Variants in PCDH9 observed in about 807,000 individuals in gnomAD.
PCDH9 encodes protocadherin 9.
In PCDH9, 24 loss-of-function variants were observed where a neutral mutation model predicts 70.6. That is an observed-to-expected ratio of 0.34 (90% CI 0.25 to 0.48). The LOEUF (loss-of-function observed/expected upper bound fraction) is 0.48, where lower values mean the gene tolerates loss of function less well. Ranked by LOEUF, PCDH9 falls within the 20% of genes least tolerant of loss-of-function variation. The pLI is 0.99. For synonymous variants in PCDH9, 562 were observed against 558.5 expected (o/e 1.01, Z -0.09); for missense variants, 1,281 against 1,503.6 (o/e 0.85, Z 2.45).
intron 4 of PCDH9, among the ~76,000 whole-genome samples, chr13:66,557,034 G>C (rs966868431): frequency 6.6e-6 from 1 of 152,126 alleles, no homozygotes; most frequent in African/African-American, 2.4e-5. Context: ...ATTACAGGTC[G>C]ATTTTAATTT....
At chr13:66,602,319 C>T (rs1231373611) in intron 4 of PCDH9, among the ~76,000 whole-genome samples, 1 of 146,432 alleles carries the variant, frequency 6.8e-6, no homozygotes, top group Non-Finnish European at 1.5e-5. Flanking sequence ...GTTGGACAAG[C>T]TTGATCTAGA....
At chr13:66,471,952 T>C in intron 4 of PCDH9, among the ~76,000 whole-genome samples, 1 of 152,158 alleles carries the variant, frequency 6.6e-6, no homozygotes, top group Non-Finnish European at 1.5e-5. Context: ...GGTTCGCGCC[T>C]GTAAACCTAG....
At chr13:66,646,842 T>C (rs1330294443) in intron 3 of PCDH9, among the ~76,000 whole-genome samples, 2 of 152,190 alleles carry the variant, frequency 1.3e-5, no homozygotes, top group Non-Finnish European at 2.9e-5. Flanking sequence ...ACCACCCTTC[T>C]TCCATGCCCC....
chr13:66,827,175 A>C (rs1312389637), intron 3 of PCDH9, among the ~76,000 whole-genome samples: 3 of 152,034 alleles, frequency 2.0e-5, no homozygotes, highest in African/African-American at 4.8e-5. Context: ...AGAAAAGGCA[A>C]GTAATTGATT....
chr13:66,513,501 A>G (rs1959588762), intron 4 of PCDH9, among the ~76,000 whole-genome samples: 1 of 152,088 alleles, frequency 6.6e-6, no homozygotes, highest in South Asian at 2.1e-4. Context: ...ACAAAAGAAG[A>G]CAAAAACTAC....
chr13:67,173,345 G>A (rs1283978206), intron 2 of PCDH9, among the ~76,000 whole-genome samples: 1 of 152,202 alleles, frequency 6.6e-6, no homozygotes, highest in African/African-American at 2.4e-5. Flanking sequence ...CCACCTTCCT[G>A]TGAGAAGTAT....
chr13:66,938,038 G>C (rs757929300), intron 2 of PCDH9, among the ~76,000 whole-genome samples: 3 of 152,132 alleles, frequency 2.0e-5, no homozygotes, highest in African/African-American at 4.8e-5. Flanking sequence ...ACTGTGCGTG[G>C]ATTACACCAC....
At chr13:66,433,982 C>G (rs943390264) in intron 4 of PCDH9, among the ~76,000 whole-genome samples, 2 of 151,726 alleles carry the variant, frequency 1.3e-5, no homozygotes, top group Non-Finnish European at 3.0e-5. Flanking sequence ...TGATATTATT[C>G]ATGGTCAAGA....
At chr13:66,518,105 G>A (rs1959825720) in intron 4 of PCDH9, among the ~76,000 whole-genome samples, 1 of 152,068 alleles carries the variant, frequency 6.6e-6, no homozygotes, top group South Asian at 2.1e-4. Flanking sequence ...TGGCTTCTGG[G>A]GAGATATGGG....
intron 3 of PCDH9, among the ~76,000 whole-genome samples, chr13:66,774,327 A>G (rs1221654254): frequency 2.0e-5 from 3 of 152,106 alleles, no homozygotes; most frequent in Non-Finnish European, 4.4e-5. Context: ...CAGTGTCCCT[A>G]TGTGAATCAC....
intron 3 of PCDH9, among the ~76,000 whole-genome samples, chr13:66,796,781 T>G (rs1236557287): frequency 6.6e-6 from 1 of 152,138 alleles, no homozygotes; most frequent in Non-Finnish European, 1.5e-5. Flanking sequence ...CATAATTATA[T>G]TAGATGTGTG....
At chr13:66,777,965 A>C (rs2079926435) in intron 3 of PCDH9, among the ~76,000 whole-genome samples, 1 of 152,080 alleles carries the variant, frequency 6.6e-6, no homozygotes, top group Non-Finnish European at 1.5e-5. Context: ...AAAAATGATG[A>C]GTTCATGTCC....
intron 3 of PCDH9, among the ~76,000 whole-genome samples, chr13:66,816,140 A>T (rs2080601266): frequency 6.6e-6 from 1 of 152,250 alleles, no homozygotes; most frequent in Non-Finnish European, 1.5e-5. Context: ...TCATTCATGG[A>T]AACAAAGCAA....
At chr13:66,618,186 A>G (rs1165323160) in intron 4 of PCDH9, among the ~76,000 whole-genome samples, 1 of 152,148 alleles carries the variant, frequency 6.6e-6, no homozygotes, top group African/African-American at 2.4e-5. Context: ...CTGACTCAAC[A>G]TTCAAATTGT....
chr13:66,904,919 C>T (rs879298341), intron 2 of PCDH9, among the ~76,000 whole-genome samples: 1 of 151,834 alleles, frequency 6.6e-6, no homozygotes, highest in Non-Finnish European at 1.5e-5. Flanking sequence ...CACTATAAGC[C>T]TTTTAGCATG....
chr13:66,894,130 A>G (rs921775756), intron 3 of PCDH9, among the ~76,000 whole-genome samples: 2 of 152,210 alleles, frequency 1.3e-5, no homozygotes, highest in African/African-American at 4.8e-5. Flanking sequence ...TTCTGTAGAC[A>G]TCAAATGATC....
intron 4 of PCDH9, among the ~76,000 whole-genome samples, chr13:66,503,064 G>A (rs946891847): frequency 6.6e-6 from 1 of 152,162 alleles, no homozygotes; most frequent in South Asian, 2.1e-4. Flanking sequence ...GGGGGAGGAA[G>A]GAAACATAAA....
chr13:66,432,953 G>C (rs2138380083), intron 4 of PCDH9, among the ~76,000 whole-genome samples: 2 of 151,942 alleles, frequency 1.3e-5, no homozygotes, highest in East Asian at 3.9e-4. Context: ...AATGCCCTAA[G>C]GAATATATTT....
At chr13:67,133,516 AT>A (rs2087157922) in intron 2 of PCDH9, among the ~76,000 whole-genome samples, 1 of 152,118 alleles carries the variant, frequency 6.6e-6, no homozygotes, top group Non-Finnish European at 1.5e-5. Flanking sequence ...ACTGTCTGTA[AT>A]TCTATAATTT....
Sources: allele counts gnomAD v4.1 joint callset (sites outside exome capture counted in the v4.1 genomes callset), GRCh38; gene constraint gnomAD v4.1.1; transcripts MANE v1.5; gene names NCBI Gene and HGNC (gene_info 2026-07-23, HGNC 2026-07-21).